Variants in CCDC42 observed in about 807,000 individuals in gnomAD.
The protein encoded by CCDC42 is coiled-coil domain-containing protein 42.
In CCDC42, 38 loss-of-function variants were observed where a neutral mutation model predicts 40.8. That is an observed-to-expected ratio of 0.93 (90% CI 0.72 to 1.22). The LOEUF is 1.22. Ranked by LOEUF, CCDC42 falls within the 50% of genes most tolerant of loss-of-function variation. The probability of loss-of-function intolerance (pLI) is 0.00; values close to 1 mark genes in which losing one functional copy is unlikely to be tolerated. For missense variants in CCDC42, 379 were observed against 416.5 expected (o/e 0.91, Z 0.78); for synonymous variants, 135 against 157.5 (o/e 0.86, Z 1.07).
In CCDC42 at chr17:8,731,029, G is replaced by A. The variant is rs549881422; in HGVS notation, c.874-822C>T. On this transcript the variant is annotated intron_variant, in intron 6 of 6. Coordinates refer to ENST00000293845, the MANE Select transcript of CCDC42 (RefSeq NM_144681.3). ...TTTGTAAAGAGCACGCAGTCAGCAT[G>A]ACACGGAAGTCATGCTCCAGAAGTC... 5.3e-4 allele frequency among the ~76,000 whole-genome samples: 81 copies of A among 152,274 alleles called. 1 individual carries two copies. The South Asian group carries it at 7.3e-3, about 14-fold the overall frequency.
Position 8,744,122 on chromosome 17 carries a change from T to C in CCDC42, c.146A>G (p.Lys49Arg). ...AGTTTGATGCATGATTTCTGTCTCC[T>C]TTTTCTTCTCCAGTAGCCAGATGGA... ...SPSIWLLEKK[K>R]ETEIMHQTMV... The change falls in exon 2 of 7, where the codon AAG becomes AGG. Residue 49 changes from lysine (K) to arginine (R), a missense_variant. Physicochemically the swap from Lys to Arg is conservative, Grantham distance 26 (BLOSUM62 2). Coordinates refer to ENST00000293845, the MANE Select transcript of CCDC42 (RefSeq NM_144681.3). 6.2e-7 allele frequency: 1 copy of C among 1,613,806 alleles called. No homozygotes were observed. Among genetic ancestry groups the C allele is most frequent in the Non-Finnish European group, 8.5e-7 (1 of 1,179,820 alleles).
intron 4 of CCDC42, among the ~76,000 whole-genome samples, chr17:8,737,977 G>A (rs1371849524): frequency 1.3e-5 from 2 of 151,328 alleles, no homozygotes; most frequent in Non-Finnish European, 2.9e-5. Flanking sequence ...CACCATTCCT[G>A]ACTGATTTTT....
chr17:8,733,635 T>C (rs373069369), intron 6 of CCDC42, among the ~76,000 whole-genome samples: 7 of 152,154 alleles, frequency 4.6e-5, no homozygotes, highest in East Asian at 3.9e-4. Context: ...GGATTACAGG[T>C]GCCTGCCACC....
chr17:8,737,789 AC>A (rs2086620605), intron 4 of CCDC42, among the ~76,000 whole-genome samples: 1 of 152,190 alleles, frequency 6.6e-6, no homozygotes, highest in South Asian at 2.1e-4. Context: ...TCTCATTGGA[AC>A]AAACCAACTG....
chr17:8,733,820 G>A (rs1218087577), intron 6 of CCDC42, among the ~76,000 whole-genome samples: 1 of 152,144 alleles, frequency 6.6e-6, no homozygotes, highest in African/African-American at 2.4e-5. Context: ...CAACAGCTAA[G>A]GGCAAGGGCC....
chr17:8,740,892 T>C (rs551023351), intron 4 of CCDC42, among the ~76,000 whole-genome samples: 1 of 152,238 alleles, frequency 6.6e-6, no homozygotes, highest in East Asian at 1.9e-4. Flanking sequence ...CTGATCAGCT[T>C]GGGTTCACCC....
chr17:8,732,154 C>T (rs1056605419), intron 6 of CCDC42, among the ~76,000 whole-genome samples: 3 of 152,068 alleles, frequency 2.0e-5, no homozygotes, highest in Non-Finnish European at 4.4e-5. Flanking sequence ...CAAAAATTAG[C>T]CAGGCGTAGT....
rs762044749 is a variant in CCDC42 at position 8,735,571 on chromosome 17, A to G, written c.533T>C (p.Leu178Pro). ...CATGAGGTCGTGGCGCATGCTCACC[A>G]GCGTCTTGTAGCGTGCAATCACCTC... Reference protein sequence around the residue: ...IHEVIARYKTLVSMRHDLMQS... With the variant: ...IHEVIARYKTPVSMRHDLMQS... Residue 178 changes from leucine (L) to proline (P), a missense_variant, in exon 5 of 7, where the codon CTG becomes CCG. Physicochemically the swap from Leu to Pro is moderately conservative, Grantham distance 98. Transcript: ENST00000293845. This position sits in a 1 kb window ranked among gnomAD's most constrained non-coding sequence, Gnocchi z 4.7. 5 of 1,613,908 alleles carry G rather than the reference A, an allele frequency of 3.1e-6. No homozygotes were observed. Among genetic ancestry groups the G allele is most frequent in the Middle Eastern group, 1.6e-4 (1 of 6,084 alleles).
At chr17:8,741,073 G>T (rs1484483033) in intron 4 of CCDC42, among the ~76,000 whole-genome samples, 2 of 152,174 alleles carry the variant, frequency 1.3e-5, no homozygotes, top group Non-Finnish European at 2.9e-5. Context: ...AGGAGGGGAT[G>T]CAGGGATAGA....
chr17:8,744,391 G>A, intron 1 of CCDC42, 136 bp downstream of exon 1: 2 of 789,886 alleles, frequency 2.5e-6, no homozygotes, highest in South Asian at 3.1e-5. Context: ...GCGTGATGAG[G>A]TGGACTGGTG....
At position 8,735,180 on chromosome 17, in the gene CCDC42, C is replaced by T. The variant is rs750499748; in HGVS notation, c.789G>A (p.Thr263=). 1.2e-5 allele frequency: 20 copies of T among 1,614,042 alleles called. No individual in the cohort carries two copies. Among genetic ancestry groups the T allele is most frequent in the South Asian group, 7.7e-5 (7 of 91,082 alleles). ...TGCTCACGATCTGGAAGAGGTTCAG[C>T]GTGGCCATCTTAATGGTGCCAAGCA... is the stretch of plus-strand genomic sequence containing the variant. The part of the protein sequence containing the change: ...TLLLGTIKMA[T]LNLFQIVSKH... Residue 263 remains threonine (T), a synonymous_variant, in exon 6 of 7, where the codon ACG becomes ACA. Transcript: ENST00000293845. This position sits in a 1 kb window ranked among gnomAD's most constrained non-coding sequence, Gnocchi z 4.7.
intron 6 of CCDC42, among the ~76,000 whole-genome samples, chr17:8,731,505 G>A (rs2086579705): frequency 6.6e-6 from 1 of 152,158 alleles, no homozygotes; most frequent in South Asian, 2.1e-4. Flanking sequence ...CAACCTAAAT[G>A]CCCATCAATG....
At chr17:8,744,038 T>A in intron 2 of CCDC42, 41 bp downstream of exon 2, 2,112 of 1,015,772 alleles carry the variant, frequency 2.1e-3, no homozygotes, top group Non-Finnish European at 3.0e-3. Context: ...GCCCACCCCC[T>A]TCCTTTCCTG....
At position 8,731,300 on chromosome 17, in the gene CCDC42, G is replaced by A. The variant is rs113152923; in HGVS notation, c.874-1093C>T. On this transcript the variant is annotated intron_variant, in intron 6 of 6. Transcript: ENST00000293845. ...GGAGAAAAGGGAACGTTCATACACCGTTGGTGGAAGTGCAAATTAGTTCAA... is the reference window on the plus strand; with the variant it reads ...GGAGAAAAGGGAACGTTCATACACCATTGGTGGAAGTGCAAATTAGTTCAA... Among the ~76,000 whole-genome samples, 41 of 152,326 alleles carry A rather than the reference G, an allele frequency of 2.7e-4. No homozygotes were observed. In the East Asian group the frequency reaches 3.7e-3, roughly 14 times the overall value.
chr17:8,744,500 TG>T, intron 1 of CCDC42, 26 bp downstream of exon 1: 1 of 1,579,682 alleles, frequency 6.3e-7, no homozygotes. Flanking sequence ...CACAGAGGGG[TG>T]GGCAAGCCAG....
At chr17:8,732,098 A>G (rs1375278581) in intron 6 of CCDC42, among the ~76,000 whole-genome samples, 1 of 152,112 alleles carries the variant, frequency 6.6e-6, no homozygotes, top group African/African-American at 2.4e-5. Flanking sequence ...CAGGAGATCG[A>G]GACCACCCTG....
In CCDC42 at chr17:8,741,580, TTG is replaced by T; in HGVS notation, c.384_385del (p.Lys129AlafsTer41). 1 of 1,614,226 alleles carries T rather than the reference TTG, an allele frequency of 6.2e-7. No individual in the cohort carries two copies. The highest frequency in any genetic ancestry group is 8.5e-7 in the Non-Finnish European group (1 of 1,180,034). ...CAGCCGCAGCGCCACCATCTCCTGC[TTG>T]CGCTTGGTCAGCTCCTGCATGTGCT... On this transcript the variant is annotated frameshift_variant, in exon 4 of 7. Coordinates refer to ENST00000293845, the MANE Select transcript of CCDC42 (RefSeq NM_144681.3). LOFTEE classifies it high-confidence loss of function.
At chr17:8,743,528 G>C in intron 3 of CCDC42, 98 bp downstream of exon 3, 1 of 777,822 alleles carries the variant, frequency 1.3e-6, no homozygotes, top group Non-Finnish European at 2.3e-6. Context: ...TTTTAACTCA[G>C]GGCGAGGAGT....
chr17:8,733,481 G>A (rs958215442), intron 6 of CCDC42, among the ~76,000 whole-genome samples: 2 of 152,182 alleles, frequency 1.3e-5, no homozygotes, highest in Non-Finnish European at 1.5e-5. Flanking sequence ...GTGAGCTGCT[G>A]GAGGGCAGCA....
Sources: gnomAD v4.1 joint callset for allele counts (sites outside exome capture counted in the v4.1 genomes callset) on GRCh38, gnomAD v4.1.1 for gene constraint, Gnocchi (gnomAD v3.1) non-coding constraint, MANE v1.5 for transcripts, NCBI Gene and HGNC (gene_info 2026-07-23, HGNC 2026-07-21) for gene names.